Variants in FANCL observed in about 807,000 individuals in gnomAD.
FANCL encodes the protein FA complementation group L.
A neutral mutation model predicts 59.4 loss-of-function variants in FANCL; 69 were observed. The observed-to-expected ratio is 1.16, with a 90% confidence interval of 0.96 to 1.42. FANCL has a LOEUF of 1.42. Ranked by LOEUF, FANCL falls within the 40% of genes most tolerant of loss-of-function variation. The pLI is 0.00. For synonymous variants in FANCL, 180 were observed against 147.1 expected (o/e 1.22, Z -1.62); for missense variants, 519 against 447.2 (o/e 1.16, Z -1.45).
At chr2:58,223,283 G>A (rs1344457548) in intron 4 of FANCL, among the ~76,000 whole-genome samples, 1 of 151,846 alleles carries the variant, frequency 6.6e-6, no homozygotes, top group Non-Finnish European at 1.5e-5. Context: ...AAAATAGACT[G>A]ATGGTCCACC....
chr2:58,160,654 G>A (rs1053982137), intron 12 of FANCL, among the ~76,000 whole-genome samples: 7 of 151,942 alleles, frequency 4.6e-5, no homozygotes, highest in African/African-American at 1.2e-4. Flanking sequence ...TTATAAGCAT[G>A]AGCCAGTGAA....
intron 7 of FANCL, among the ~76,000 whole-genome samples, chr2:58,187,735 TAGTAAA>T (rs1350573656): frequency 2.6e-5 from 4 of 152,144 alleles, no homozygotes; most frequent in African/African-American, 9.7e-5. Flanking sequence ...GCTTTAATGG[TAGTAAA>T]AGTGTTATCC....
At chr2:58,193,656 T>G (rs1442031332) in intron 7 of FANCL, among the ~76,000 whole-genome samples, 2 of 152,034 alleles carry the variant, frequency 1.3e-5, no homozygotes, top group African/African-American at 4.8e-5. Flanking sequence ...TGAATAAAAT[T>G]CCACTACTGT....
rs1348801295 is a variant in FANCL at position 58,161,080 on chromosome 2, T to G, written c.1020+442A>C. On this transcript the variant is annotated intron_variant, in intron 12 of 13. Coordinates refer to ENST00000233741, the MANE Select transcript of FANCL (RefSeq NM_018062.4). ...CTTCTCAACATGAAAAGTAGTAGTATTGGATATATTCTATTCTTAAATGCA... is the reference window on the plus strand; with the variant it reads ...CTTCTCAACATGAAAAGTAGTAGTAGTGGATATATTCTATTCTTAAATGCA... 3.3e-5 allele frequency among the ~76,000 whole-genome samples: 5 copies of G among 151,966 alleles called. No individual in the cohort carries two copies. The South Asian group carries it at 1.0e-3, about 31-fold the overall frequency.
At chr2:58,191,724 A>G (rs529480548) in intron 7 of FANCL, among the ~76,000 whole-genome samples, 3 of 152,028 alleles carry the variant, frequency 2.0e-5, no homozygotes, top group Non-Finnish European at 4.4e-5. Context: ...CAAATATACA[A>G]TATCATTACA....
chr2:58,165,746 T>C lies in FANCL; in HGVS notation c.669A>G (p.Ala223=), dbSNP rs1448958347. ...VLEPEKPPRS[A]TARRIALGNN... ...TACCTAATGCAATTCTGCGTGCTGTTGCACTCCGTGGAGGTTTTTCTGGCT... is the reference window on the plus strand; with the variant it reads ...TACCTAATGCAATTCTGCGTGCTGTCGCACTCCGTGGAGGTTTTTCTGGCT... The change falls in exon 8 of 14, where the codon GCA becomes GCG. Residue 223 remains alanine, a synonymous_variant. Transcript: ENST00000233741. 1 of 1,614,136 alleles carries C rather than the reference T, an allele frequency of 6.2e-7. No homozygotes were observed. Among genetic ancestry groups the C allele is most frequent in the South Asian group, 1.1e-5 (1 of 91,084 alleles).
intron 7 of FANCL, among the ~76,000 whole-genome samples, chr2:58,188,770 GAAA>G (rs78612128): frequency 1.5e-5 from 2 of 135,242 alleles, no homozygotes; most frequent in Non-Finnish European, 3.2e-5. Context: ...AATTAGGAAG[GAAA>G]AAAAAAAAAA....
intron 5 of FANCL, among the ~76,000 whole-genome samples, chr2:58,206,971 C>T (rs564321704): frequency 1.3e-5 from 2 of 152,208 alleles, no homozygotes; most frequent in South Asian, 4.1e-4. Flanking sequence ...TTACCTTCTC[C>T]AGTTTGGTAA....
chr2:58,178,111 C>G (rs1558759223), intron 7 of FANCL, among the ~76,000 whole-genome samples: 1 of 151,878 alleles, frequency 6.6e-6, no homozygotes. Context: ...GCCTACTAAC[C>G]AAAAAAAGCC....
intron 8 of FANCL, among the ~76,000 whole-genome samples, chr2:58,164,484 T>C (rs933397664): frequency 6.6e-6 from 1 of 152,034 alleles, no homozygotes; most frequent in Admixed American, 6.6e-5. Flanking sequence ...CACTGTCATC[T>C]GGTAATGGCT....
intron 6 of FANCL, among the ~76,000 whole-genome samples, chr2:58,203,193 T>C (rs1244481033): frequency 2.0e-5 from 3 of 151,668 alleles, no homozygotes; most frequent in African/African-American, 7.2e-5. Context: ...ATACATATTC[T>C]GTGTGTGAGA....
intron 5 of FANCL, among the ~76,000 whole-genome samples, chr2:58,218,776 T>C (rs996183110): frequency 1.3e-5 from 2 of 152,016 alleles, no homozygotes; most frequent in Non-Finnish European, 2.9e-5. Flanking sequence ...TTCTCCCTGT[T>C]GGAGTATGAG....
At chr2:58,197,047 T>C (rs1173900552) in intron 7 of FANCL, among the ~76,000 whole-genome samples, 3 of 151,698 alleles carry the variant, frequency 2.0e-5, no homozygotes, top group Non-Finnish European at 4.4e-5. Flanking sequence ...AAAATCAACA[T>C]AGTATTTTAC....
intron 7 of FANCL, among the ~76,000 whole-genome samples, chr2:58,178,273 C>T (rs530444458): frequency 6.6e-6 from 1 of 152,162 alleles, no homozygotes; most frequent in African/African-American, 2.4e-5. Context: ...CTGGAGGAGG[C>T]ACAACAGAAA....
intron 7 of FANCL, among the ~76,000 whole-genome samples, chr2:58,167,756 T>C (rs1686098995): frequency 6.6e-6 from 1 of 152,178 alleles, no homozygotes; most frequent in South Asian, 2.1e-4. Flanking sequence ...TTGAGGTAGA[T>C]ACATTAAACA....
Position 58,161,603 on chromosome 2 carries a change from A to G in FANCL, c.939T>C (p.Tyr313=), listed in dbSNP as rs535641432. ...GATCAGGAATGGTACCGTCAAGTTGATAAGCATAACAAATTCCACAATCCA... is the reference window on the plus strand; with the variant it reads ...GATCAGGAATGGTACCGTCAAGTTGGTAAGCATAACAAATTCCACAATCCA... ...FTMDCGICYA[Y]QLDGTIPDQV... The change falls in exon 12 of 14, where the codon TAT becomes TAC. Residue 313 remains tyrosine (Y), a synonymous_variant. Transcript: ENST00000233741. 1 of 1,611,620 alleles carries G rather than the reference A, an allele frequency of 6.2e-7. No individual in the cohort carries two copies. The highest frequency in any genetic ancestry group is 1.1e-5 in the South Asian group (1 of 91,044).
chr2:58,160,011 G>C (rs1363473876), intron 13 of FANCL, 97 bp downstream of exon 13: 1 of 1,571,572 alleles, frequency 6.4e-7, no homozygotes, highest in Non-Finnish European at 8.6e-7. Context: ...AGTTTCAAAA[G>C]TTTTAGATAA....
chr2:58,183,514 C>A (rs1688122218), intron 7 of FANCL, among the ~76,000 whole-genome samples: 1 of 151,862 alleles, frequency 6.6e-6, no homozygotes, highest in Non-Finnish European at 1.5e-5. Context: ...AATCTTTATC[C>A]ATGCTCTTAA....
chr2:58,162,749 CTG>C, intron 11 of FANCL, 115 bp downstream of exon 11: 1 of 891,902 alleles, frequency 1.1e-6, no homozygotes, highest in East Asian at 2.5e-5. Context: ...GATCAGAAGT[CTG>C]TGTTATAATA....
Sources: gnomAD v4.1 joint callset for allele counts (sites outside exome capture counted in the v4.1 genomes callset) on GRCh38, gnomAD v4.1.1 for gene constraint, MANE v1.5 for transcripts, NCBI Gene and HGNC (gene_info 2026-07-23, HGNC 2026-07-21) for gene names.